EPHB1: variants seen among roughly 807,000 people sequenced by gnomAD.
The protein encoded by EPHB1 is EPH receptor B1, also known as ephrin type-B receptor 1.
A neutral mutation model predicts 94.4 loss-of-function variants in EPHB1; 30 were observed. That is an observed-to-expected ratio of 0.32 (90% CI 0.24 to 0.43). The LOEUF (loss-of-function observed/expected upper bound fraction) is 0.43, where lower values mean the gene tolerates loss of function less well. Among genes scored for constraint, EPHB1 ranks in the 20% least tolerant of loss-of-function variants. The pLI is 1.00. For missense variants in EPHB1, 1,055 were observed against 1,308.3 expected (o/e 0.81, Z 2.99); for synonymous variants, 522 against 489.1 (o/e 1.07, Z -0.89).
chr3:134,884,050 G>A (rs1350491458), intron 1 of EPHB1, among the ~76,000 whole-genome samples: 1 of 152,224 alleles, frequency 6.6e-6, no homozygotes, highest in South Asian at 2.1e-4. Flanking sequence ...TTGAACCCAG[G>A]TCCATCCGTG....
chr3:134,813,937 G>A (rs546714677), intron 1 of EPHB1, among the ~76,000 whole-genome samples: 9 of 152,310 alleles, frequency 5.9e-5, no homozygotes, highest in African/African-American at 1.9e-4. Context: ...TGCAGCTGAT[G>A]CTGACGCTGC....
intron 1 of EPHB1, among the ~76,000 whole-genome samples, chr3:134,828,587 A>G (rs942545358): frequency 1.3e-5 from 2 of 152,256 alleles, no homozygotes; most frequent in Non-Finnish European, 2.9e-5. Flanking sequence ...AGTTTGGGGC[A>G]CAGCTAGAAG....
chr3:135,169,099 T>G (rs920621338), intron 9 of EPHB1, among the ~76,000 whole-genome samples: 11 of 152,130 alleles, frequency 7.2e-5, no homozygotes, highest in Admixed American at 7.2e-4. Flanking sequence ...ATGGTGCCCA[T>G]GTGCACAAAA....
rs183621232 is a variant in EPHB1, at chr3:134,923,284, G to A, written c.59-2532G>A. ...CATTCCCAGTTTGAGCCCCTGTTTC[G>A]CTGGGGTAGCAGAAGTGCTATCTGG... On this transcript the variant is annotated intron_variant, in intron 1 of 15. Coordinates refer to ENST00000398015, the MANE Select transcript of EPHB1 (RefSeq NM_004441.5). 7.2e-5 allele frequency among the ~76,000 whole-genome samples: 11 copies of A among 152,208 alleles called. No individual in the cohort carries two copies. In the East Asian group the frequency reaches 1.9e-3, roughly 27 times the overall value.
intron 1 of EPHB1, among the ~76,000 whole-genome samples, chr3:134,842,536 C>T (rs1405812033): frequency 6.6e-6 from 1 of 152,206 alleles, no homozygotes; most frequent in Admixed American, 6.5e-5. Context: ...TAATTAAAAA[C>T]AAAACCCAAA....
At chr3:135,141,972 C>CGGTACTGTTGACCT in intron 5 of EPHB1, among the ~76,000 whole-genome samples, 1 of 152,286 alleles carries the variant, frequency 6.6e-6, no homozygotes, top group Non-Finnish European at 1.5e-5. Context: ...GTATAGTTTG[C>CGGTACTGTTGACCT]GAGTACAGAG....
intron 1 of EPHB1, among the ~76,000 whole-genome samples, chr3:134,923,027 T>G (rs1422844012): frequency 6.6e-6 from 1 of 152,160 alleles, no homozygotes. Flanking sequence ...ATTTGGTGTG[T>G]CATGATGATC....
intron 1 of EPHB1, among the ~76,000 whole-genome samples, chr3:134,850,106 G>A (rs567416063): frequency 3.3e-5 from 5 of 152,282 alleles, no homozygotes; most frequent in East Asian, 1.9e-4. Context: ...GGCTGCAGAC[G>A]AGCAGAGCTG....
chr3:135,086,252 T>G (rs529185092), intron 3 of EPHB1, among the ~76,000 whole-genome samples: 174 of 151,860 alleles, frequency 1.1e-3, no homozygotes, highest in Middle Eastern at 6.8e-3. Flanking sequence ...AACAGGATCC[T>G]TAATGACCTC....
Position 135,073,072 on chromosome 3 carries a change from GT to G in EPHB1, c.806-33366del, listed in dbSNP as rs1005574436. On this transcript the variant is annotated intron_variant, in intron 3 of 15. Transcript: ENST00000398015. ...TTAAGAACTTTCTATAGGCTCTCAG[GT>G]TTTTTTTTTCTTTTCAGACTTTATA... Among the ~76,000 whole-genome samples, 301 of 148,538 alleles carry G rather than the reference GT, an allele frequency of 2.0e-3. 1 individual carries two copies. The highest frequency in any genetic ancestry group is 7.0e-3 in the Middle Eastern group (2 of 284).
chr3:135,012,435 C>T (rs1935651897), intron 3 of EPHB1, among the ~76,000 whole-genome samples: 1 of 152,230 alleles, frequency 6.6e-6, no homozygotes, highest in South Asian at 2.1e-4. Flanking sequence ...ACACTTAGAA[C>T]ATCCTCCGTC....
chr3:134,962,080 C>T (rs1933540802), intron 3 of EPHB1, among the ~76,000 whole-genome samples: 1 of 152,132 alleles, frequency 6.6e-6, no homozygotes, highest in Admixed American at 6.5e-5. Context: ...GCATTTTCTA[C>T]CAATTTTTGT....
chr3:135,000,071 T>G (rs866584177), intron 3 of EPHB1, among the ~76,000 whole-genome samples: 7 of 152,330 alleles, frequency 4.6e-5, no homozygotes, highest in Middle Eastern at 6.8e-3. Context: ...CTCACCCCTA[T>G]GCATCCTGCC....
rs867923572 is a variant in EPHB1, at chr3:135,003,879, T to C, written c.805+51827T>C. Among the ~76,000 whole-genome samples, 9 of 151,956 alleles carry C rather than the reference T, an allele frequency of 5.9e-5. No homozygotes were observed. The South Asian group carries it at 8.3e-4, about 14-fold the overall frequency. ...TCTGCACGTGAGATGGGTTTCCTGA[T>C]ACAGCACACTGATGGGTCTTGACTC... On this transcript the variant is annotated intron_variant, in intron 3 of 15. Transcript: ENST00000398015.
chr3:135,213,544 G>A (rs874738), intron 12 of EPHB1, among the ~76,000 whole-genome samples: 147,724 of 152,280 alleles, frequency 0.97, 71,818 homozygotes, highest in Middle Eastern at 1. Context: ...AAGAGGGCAT[G>A]CACATACCAG....
At chr3:135,104,460 T>C (rs2107798129) in intron 3 of EPHB1, among the ~76,000 whole-genome samples, 1 of 152,314 alleles carries the variant, frequency 6.6e-6, no homozygotes, top group Non-Finnish European at 1.5e-5. Flanking sequence ...AGAAGTTTCT[T>C]CTGAATGTGC....
rs947251075 is a variant in EPHB1, at chr3:134,795,282, C to G, written c.-350C>G. 5.0e-6 allele frequency: 2 copies of G among 402,336 alleles called. No homozygotes were observed. The highest frequency in any genetic ancestry group is 8.9e-6 in the Non-Finnish European group (2 of 224,860). 24.9% of individuals were successfully genotyped at this position (402,336 alleles called of 1,614,324 possible). A position where few individuals can be genotyped will look rare whatever the true frequency, so the allele number is the denominator to read the frequency against. On this transcript the variant is annotated 5_prime_UTR_variant, in exon 1 of 16. Transcript: ENST00000398015. ...GTCAGTCTGGCCGGCTCCGTCCTCC[C>G]GTAGGCTCCGCTGTAGCTAGCAATG...
intron 15 of EPHB1, among the ~76,000 whole-genome samples, chr3:135,252,763 C>T (rs1158016652): frequency 4.3e-5 from 6 of 140,500 alleles, no homozygotes; most frequent in African/African-American, 1.0e-4. Flanking sequence ...ATGGTATTTC[C>T]AGTTCTAGAT....
chr3:135,080,610 G>A (rs955438986), intron 3 of EPHB1, among the ~76,000 whole-genome samples: 2 of 152,002 alleles, frequency 1.3e-5, no homozygotes, highest in Admixed American at 6.6e-5. Flanking sequence ...CAGAGACTGG[G>A]GTGGTGGCAG....
Sources: allele counts gnomAD v4.1 joint callset (sites outside exome capture counted in the v4.1 genomes callset), GRCh38; gene constraint gnomAD v4.1.1; transcripts MANE v1.5; gene names NCBI Gene and HGNC (gene_info 2026-07-23, HGNC 2026-07-21).